ABHD12: variants seen among roughly 807,000 people sequenced by gnomAD.
ABHD12 encodes the protein abhydrolase domain containing 12, lysophospholipase.
A neutral mutation model predicts 58.3 loss-of-function variants in ABHD12; 43 were observed. That is an observed-to-expected ratio of 0.74 (90% CI 0.58 to 0.95). ABHD12 has a LOEUF of 0.95. ABHD12 is among the 40% of genes least tolerant of loss of function. ABHD12 has a pLI of 0.00. For synonymous variants in ABHD12, 219 were observed against 211.2 expected, an observed-to-expected ratio of 1.04 and a Z score of -0.32; for missense variants, 539 against 537.2, an observed-to-expected ratio of 1.00 and a Z score of -0.03.
chr20:25,374,805 T>C (rs1195525422), intron 1 of ABHD12, among the ~76,000 whole-genome samples: 1 of 152,194 alleles, frequency 6.6e-6, no homozygotes, highest in Non-Finnish European at 1.5e-5. Flanking sequence ...CAGCCTACAG[T>C]GTTTTAATGT....
chr20:25,337,558 A>G (rs2089392723), intron 2 of ABHD12, among the ~76,000 whole-genome samples: 1 of 152,166 alleles, frequency 6.6e-6, no homozygotes, highest in Non-Finnish European at 1.5e-5. Flanking sequence ...TTCAATTCAA[A>G]CATTTGCTGG....
chr20:25,315,911 A>G (rs914568337), intron 5 of ABHD12, among the ~76,000 whole-genome samples: 2 of 151,932 alleles, frequency 1.3e-5, no homozygotes, highest in African/African-American at 4.8e-5. Context: ...AGGGGAGGAG[A>G]GTGAGGCTGT....
chr20:25,359,212 G>A (rs2089708345), intron 1 of ABHD12, among the ~76,000 whole-genome samples: 1 of 151,418 alleles, frequency 6.6e-6, no homozygotes, highest in South Asian at 2.1e-4. Context: ...ACGAGGTCAG[G>A]AGATCGAGAC....
chr20:25,312,943 C>T lies in ABHD12; in HGVS notation c.619+1982G>A, dbSNP rs1011470925. Among the ~76,000 whole-genome samples the T allele has an allele frequency of 1.1e-4, 17 of 151,514 alleles. No individual in the cohort carries two copies. The East Asian group carries it at 2.0e-3, about 17-fold the overall frequency. ...CTGGGAAGTGAGGAGCGTCTCCACC[C>T]GCCCCATCCGGGAGGGAGGTGGGGG... is the stretch of plus-strand genomic sequence containing the variant. On this transcript the variant is annotated intron_variant, in intron 6 of 12. Coordinates refer to ENST00000339157, the MANE Select transcript of ABHD12 (RefSeq NM_001042472.3).
chr20:25,390,477 G>GGGGGCCCCCC lies in ABHD12; in HGVS notation c.191+35_191+36insGGGGGGCCCC, dbSNP rs2146160499. 26 of 102,804 alleles carry GGGGGCCCCCC rather than the reference G, an allele frequency of 2.5e-4. No homozygotes were observed. The East Asian group carries it at 0.011, about 42-fold the overall frequency. 6.4% of individuals were successfully genotyped at this position (102,804 alleles called of 1,614,324 possible). On this transcript the variant is annotated intron_variant, in intron 1 of 12. Transcript: ENST00000339157. ...CGCACCTGCGCAAAGTGAGGGACCGGCCCCCCCCCCCCCCCCGCTCCGCGC... is the reference window on the plus strand; with the variant it reads ...CGCACCTGCGCAAAGTGAGGGACCGGGGGGCCCCCCCCCCCCCCCCCCCCCCGCTCCGCGC...
intron 1 of ABHD12, chr20:25,368,619 AC>A: frequency 1.5e-6 from 2 of 1,373,610 alleles, no homozygotes; most frequent in Non-Finnish European, 2.1e-6. Flanking sequence ...GAAAGCGGAA[AC>A]CCTTAAAACC....
chr20:25,357,050 G>A (rs937351590), intron 1 of ABHD12, among the ~76,000 whole-genome samples: 1 of 152,132 alleles, frequency 6.6e-6, no homozygotes, highest in African/African-American at 2.4e-5. Flanking sequence ...TAGAAGGCCC[G>A]ATATTTCCTT....
chr20:25,331,544 G>A (rs1392249619), intron 2 of ABHD12, among the ~76,000 whole-genome samples: 2 of 152,014 alleles, frequency 1.3e-5, no homozygotes, highest in Non-Finnish European at 2.9e-5. Flanking sequence ...AATGTTAAGG[G>A]CAGCAAGAGA....
intron 1 of ABHD12, among the ~76,000 whole-genome samples, chr20:25,349,084 A>C (rs183324370): frequency 0.036 from 4,845 of 136,124 alleles, 133 homozygotes; most frequent in African/African-American, 0.14. Context: ...ACTCCGTCTC[A>C]AAAAAAAAAA....
chr20:25,310,405 G>A (rs553643213), intron 6 of ABHD12: 1 of 152,360 alleles, frequency 6.6e-6, no homozygotes, highest in African/African-American at 2.4e-5. Flanking sequence ...CCTCCCAAGG[G>A]TCCCTCCCCC....
chr20:25,326,968 C>A (rs1160405762), intron 2 of ABHD12, among the ~76,000 whole-genome samples: 5 of 152,184 alleles, frequency 3.3e-5, no homozygotes, highest in African/African-American at 1.2e-4. Context: ...CTATAGATGA[C>A]AATAGTAATG....
chr20:25,355,745 G>A (rs1371683888), intron 1 of ABHD12, among the ~76,000 whole-genome samples: 2 of 152,126 alleles, frequency 1.3e-5, no homozygotes. Flanking sequence ...TTTTAGTAGA[G>A]ACGGGGTTTC....
intron 1 of ABHD12, among the ~76,000 whole-genome samples, chr20:25,363,584 G>A (rs559401910): frequency 6.6e-6 from 1 of 152,136 alleles, no homozygotes; most frequent in African/African-American, 2.4e-5. Context: ...TAATTTTAAG[G>A]GGGCAGGCAC....
chr20:25,362,696 C>T (rs375627700), intron 1 of ABHD12, among the ~76,000 whole-genome samples: 7 of 150,142 alleles, frequency 4.7e-5, no homozygotes, highest in African/African-American at 1.7e-4. Flanking sequence ...TTTTTTGAGA[C>T]GGAGTTTCGC....
Position 25,300,889 on chromosome 20 carries a change from A to G in ABHD12, c.1158-5T>C. 6.2e-7 allele frequency: 1 copy of G among 1,613,802 alleles called. No individual in the cohort carries two copies. The highest frequency in any genetic ancestry group is 8.5e-7 in the Non-Finnish European group (1 of 1,179,826). Reference sequence around the variant, plus strand: ...TCCGACTTCCCCAGGAATTCCCTAGACCACAGGACAATCAGGAGCCAATCA... The same window carrying G: ...TCCGACTTCCCCAGGAATTCCCTAGGCCACAGGACAATCAGGAGCCAATCA... On this transcript the variant is annotated splice_region_variant and splice_polypyrimidine_tract_variant and intron_variant, in intron 12 of 12. Transcript: ENST00000339157.
At chr20:25,343,933 G>T (rs1045631232) in intron 1 of ABHD12, among the ~76,000 whole-genome samples, 4 of 152,156 alleles carry the variant, frequency 2.6e-5, no homozygotes, top group African/African-American at 9.7e-5. Context: ...GGCCAAGTGG[G>T]ATTTGTCCCA....
At chr20:25,296,820 C>A (rs1380359116), downstream of ABHD12, 4 of 405,944 alleles carry the variant, frequency 9.9e-6, no homozygotes, top group South Asian at 8.6e-5. Flanking sequence ...GAGCCACCTG[C>A]TGGGCTCCCC....
intron 1 of ABHD12, among the ~76,000 whole-genome samples, chr20:25,383,980 AAAAG>A (rs1343649700): frequency 1.4e-5 from 2 of 146,406 alleles, no homozygotes; most frequent in South Asian, 2.1e-4. Flanking sequence ...AAAAAGAAAA[AAAAG>A]AAAAAAAATT....
At chr20:25,387,791 C>T (rs534156152) in intron 1 of ABHD12, among the ~76,000 whole-genome samples, 19 of 151,284 alleles carry the variant, frequency 1.3e-4, no homozygotes, top group African/African-American at 4.6e-4. Context: ...GCCTGTAATC[C>T]CAGCAATTTG....
Sources: allele counts gnomAD v4.1 joint callset (sites outside exome capture counted in the v4.1 genomes callset), GRCh38; gene constraint gnomAD v4.1.1; transcripts MANE v1.5; gene names NCBI Gene and HGNC (gene_info 2026-07-23, HGNC 2026-07-21).